The following REPS1 variants were observed in gnomAD, a reference collection of about 807,000 sequenced individuals.
The protein encoded by REPS1 is RALBP1 associated Eps domain containing 1.
A neutral mutation model predicts 100.9 loss-of-function variants in REPS1; 39 were observed. The observed-to-expected ratio is 0.39, with a 90% CI of 0.30 to 0.50. The LOEUF is 0.50. REPS1 is among the 20% of genes least tolerant of loss of function. The pLI is 0.86. For missense variants in REPS1, 821 were observed against 968.5 expected, an observed-to-expected ratio of 0.85 and a Z score of 2.02; for synonymous variants, 324 against 340.3, an observed-to-expected ratio of 0.95 and a Z score of 0.53.
chr6:138,971,908 G>C (rs1346756248), intron 1 of REPS1, among the ~76,000 whole-genome samples: 1 of 152,182 alleles, frequency 6.6e-6, no homozygotes, highest in Non-Finnish European at 1.5e-5. Flanking sequence ...GCAGGGCTAA[G>C]CAAATGGCTT....
At chr6:138,914,582 T>G in intron 15 of REPS1, 115 bp downstream of exon 15, 2 of 813,694 alleles carry the variant, frequency 2.5e-6, no homozygotes, top group East Asian at 5.0e-5. Context: ...TAAATGCTCA[T>G]TAAAGATTAC....
intron 5 of REPS1, among the ~76,000 whole-genome samples, chr6:138,944,244 C>CT (rs1485748289): frequency 6.6e-6 from 1 of 152,128 alleles, no homozygotes; most frequent in Non-Finnish European, 1.5e-5. Context: ...TGAAAATGTG[C>CT]TAAGAAAGCC....
chr6:138,926,934 T>C (rs1387537983), intron 9 of REPS1: 1 of 156,388 alleles, frequency 6.4e-6, no homozygotes, highest in Non-Finnish European at 1.4e-5. Flanking sequence ...AGCAAGTCAG[T>C]GCGACTTGCC....
intron 1 of REPS1, among the ~76,000 whole-genome samples, chr6:138,982,532 T>G (rs1322419094): frequency 6.6e-6 from 1 of 152,208 alleles, no homozygotes; most frequent in East Asian, 1.9e-4. Flanking sequence ...TGGTAAATAG[T>G]ATATCTTTCC....
chr6:138,978,013 T>C (rs1052882733), intron 1 of REPS1, among the ~76,000 whole-genome samples: 1 of 152,248 alleles, frequency 6.6e-6, no homozygotes, highest in Admixed American at 6.5e-5. Flanking sequence ...CATCTTTTCA[T>C]ATGCTTATTG....
chr6:138,973,407 T>C (rs1286270251), intron 1 of REPS1, among the ~76,000 whole-genome samples: 4 of 152,094 alleles, frequency 2.6e-5, no homozygotes, highest in African/African-American at 9.7e-5. Flanking sequence ...TATCTCAATG[T>C]AGAAAAGAAT....
In REPS1 at chr6:138,917,802, T is replaced by G. The variant is rs150491611; in HGVS notation, c.1529-175A>C. On this transcript the variant is annotated intron_variant, in intron 12 of 19. Coordinates refer to ENST00000450536, the MANE Select transcript of REPS1 (RefSeq NM_001286611.2). ...CTGTAAAAAATTAACTACAAATAAA[T>G]CATGGCATATTTACACAGTAGACAA... Among the ~76,000 whole-genome samples, 54 of 152,178 alleles carry G rather than the reference T, an allele frequency of 3.5e-4. 1 individual carries two copies. Among genetic ancestry groups the G allele is most frequent in the African/African-American group, 1.2e-3 (50 of 41,506 alleles).
chr6:138,938,978 G>A (rs973162585), intron 8 of REPS1, among the ~76,000 whole-genome samples: 1 of 151,790 alleles, frequency 6.6e-6, no homozygotes, highest in Admixed American at 6.6e-5. Context: ...TTCCTGAGTA[G>A]CTGGGACAAC....
chr6:138,927,688 A>G (rs1374008830), intron 9 of REPS1: 3 of 152,248 alleles, frequency 2.0e-5, no homozygotes, highest in Non-Finnish European at 4.4e-5. Flanking sequence ...GGCTAATACA[A>G]TAATTCAACG....
Position 138,938,489 on chromosome 6 carries a change from A to T in REPS1, c.1135+2846T>A, listed in dbSNP as rs144300924. 4.1e-3 allele frequency among the ~76,000 whole-genome samples: 626 copies of T among 152,364 alleles called. 1 individual carries two copies. Among genetic ancestry groups the T allele is most frequent in the Non-Finnish European group, 6.3e-3 (428 of 68,040 alleles). ...TTCAAAGGTAGAAAAACGTCAAGAAAAATATCTTCCTTTGAAAATGGCACA... is the reference window on the plus strand; with the variant it reads ...TTCAAAGGTAGAAAAACGTCAAGAATAATATCTTCCTTTGAAAATGGCACA... On this transcript the variant is annotated intron_variant, in intron 8 of 19. Transcript: ENST00000450536.
intron 1 of REPS1, among the ~76,000 whole-genome samples, chr6:138,979,185 A>AAC (rs1554298104): frequency 2.8e-5 from 4 of 143,212 alleles, no homozygotes; most frequent in East Asian, 2.1e-4. Flanking sequence ...CATCACAAAA[A>AAC]AAAAAAAAAA....
At position 138,978,095 on chromosome 6, in the gene REPS1, GTT is replaced by G. The variant is rs60642515; in HGVS notation, c.153+9433_153+9434del. 9.4e-4 allele frequency among the ~76,000 whole-genome samples: 136 copies of G among 144,320 alleles called. 1 individual carries two copies. The East Asian group carries it at 0.021, about 23-fold the overall frequency. 94.7% of individuals were successfully genotyped at this position (144,320 alleles called of 152,430 possible). ...AAGCCTAAGAATGGGCTTTCGCCCA[GTT>G]TTTTTTTTTTCCTTATAAGTGAGTT... is the stretch of plus-strand genomic sequence containing the variant. On this transcript the variant is annotated intron_variant, in intron 1 of 19. Coordinates refer to ENST00000450536, the MANE Select transcript of REPS1 (RefSeq NM_001286611.2).
chr6:138,947,028 C>A (rs1410137788), intron 2 of REPS1, among the ~76,000 whole-genome samples: 1 of 128,464 alleles, frequency 7.8e-6, no homozygotes, highest in African/African-American at 3.0e-5. Flanking sequence ...TGTGGCTATT[C>A]CCCCTTGCTC....
Position 138,914,749 on chromosome 6 carries a change from G to C in REPS1, c.1733C>G (p.Ala578Gly). The change falls in exon 15 of 20, where the codon GCT becomes GGT. Residue 578 changes from alanine to glycine, a missense_variant. Physicochemically the swap from Ala to Gly is moderately conservative, Grantham distance 60. This residue lies in a region of REPS1 where 757 missense variants were observed against 866.4 expected (regional missense o/e 0.87). Transcript: ENST00000450536. ...TGCAGGAGGATGGGCAACAACTCCA[G>C]CCTGTTGTTGTCCTGCATGAATACA... ...TFTVTTGQQQ[A>G]GVVAHPPAVP... is the part of the protein sequence containing the mutation. The C allele has an allele frequency of 6.2e-7, 1 of 1,610,940 alleles. No individual in the cohort carries two copies. The highest frequency in any genetic ancestry group is 2.2e-5 in the East Asian group (1 of 44,826).
At chr6:138,935,982 AG>A (rs1310825115) in intron 8 of REPS1, among the ~76,000 whole-genome samples, 2 of 151,916 alleles carry the variant, frequency 1.3e-5, no homozygotes, top group African/African-American at 2.4e-5. Context: ...GAGGGTCTAT[AG>A]GGTTCCAGGC....
chr6:138,911,407 A>G (rs777031035), intron 16 of REPS1, 36 bp from the exon 17 acceptor site: 13 of 1,266,188 alleles, frequency 1.0e-5, no homozygotes, highest in Non-Finnish European at 1.3e-5. Flanking sequence ...TTAATTCTAC[A>G]TAACATGTAA....
At chr6:138,942,721 C>T (rs1370149915) in intron 7 of REPS1, among the ~76,000 whole-genome samples, 1 of 151,848 alleles carries the variant, frequency 6.6e-6, no homozygotes, top group Admixed American at 6.6e-5. Context: ...GAATTACAGG[C>T]GTGAACCACC....
chr6:138,966,814 T>G (rs761216631), intron 1 of REPS1, among the ~76,000 whole-genome samples: 2 of 152,218 alleles, frequency 1.3e-5, no homozygotes, highest in Non-Finnish European at 2.9e-5. Context: ...ATTTTATCTC[T>G]AAGGTCCCTT....
intron 8 of REPS1, among the ~76,000 whole-genome samples, chr6:138,938,756 G>A (rs1463498705): frequency 6.6e-6 from 1 of 152,036 alleles, no homozygotes; most frequent in Non-Finnish European, 1.5e-5. Context: ...CTCCACAGAG[G>A]AATATTTACA....
Sources: gnomAD v4.1 joint callset for allele counts (sites outside exome capture counted in the v4.1 genomes callset) on GRCh38, gnomAD v4.1.1 for gene constraint, gnomAD v4.1.1 regional missense constraint, MANE v1.5 for transcripts, NCBI Gene and HGNC (gene_info 2026-07-23, HGNC 2026-07-21) for gene names.